IQCK: variants seen among roughly 807,000 people sequenced by gnomAD.
IQCK encodes IQ domain-containing protein K.
IQCK carries 29 observed loss-of-function variants against 28.1 expected under a neutral mutation model. The observed-to-expected ratio is 1.03, with a 90% CI of 0.77 to 1.41. The LOEUF is 1.41. Among genes scored for constraint, IQCK ranks in the 40% most tolerant of loss-of-function variants. The pLI is 0.00. For missense variants in IQCK, 359 were observed against 314.7 expected, an observed-to-expected ratio of 1.14 and a Z score of -1.07; for synonymous variants, 113 against 115.1, an observed-to-expected ratio of 0.98 and a Z score of 0.12.
At chr16:19,854,840 C>T (rs376482547) in intron 9 of IQCK, among the ~76,000 whole-genome samples, 3 of 152,072 alleles carry the variant, frequency 2.0e-5, no homozygotes, top group African/African-American at 4.8e-5. Flanking sequence ...TATGAAGAGT[C>T]AATGTCATCG....
chr16:19,828,856 AAATATATATATATAT>A (rs2056187414), downstream of IQCK, among the ~76,000 whole-genome samples: 2 of 142,710 alleles, frequency 1.4e-5, no homozygotes, highest in African/African-American at 5.3e-5. Context: ...GTCTCAAAAA[AAATATATATATATAT>A]AAATATATAT....
In IQCK at chr16:19,833,092, T is replaced by A. The variant is rs1168665944; in HGVS notation, c.802+5955T>A. On this transcript the variant is annotated intron_variant, in intron 9 of 9. Coordinates refer to the IQCK transcript ENST00000320394. ...CTATCACCCTTAGTTACGATTTGTGTGTGTGTATGTGTGTGGTGAGGACAC... is the reference window on the plus strand; with the variant it reads ...CTATCACCCTTAGTTACGATTTGTGAGTGTGTATGTGTGTGGTGAGGACAC... 2.0e-5 allele frequency among the ~76,000 whole-genome samples: 3 copies of A among 152,310 alleles called. No individual in the cohort carries two copies. In the South Asian group the frequency reaches 6.2e-4, roughly 32 times the overall value.
At chr16:19,719,606 T>A (rs1977414893) in intron 1 of IQCK, among the ~76,000 whole-genome samples, 1 of 148,020 alleles carries the variant, frequency 6.8e-6, no homozygotes. Flanking sequence ...AAAAAAAGTG[T>A]GGTTAGTTAG....
chr16:19,853,144 ACT>A (rs1399745083), intron 9 of IQCK, among the ~76,000 whole-genome samples: 3 of 151,998 alleles, frequency 2.0e-5, no homozygotes, highest in Non-Finnish European at 4.4e-5. Flanking sequence ...ATTTGTATTC[ACT>A]GTCAGACTCA....
chr16:19,718,955 A>G (rs1977372401), intron 1 of IQCK, among the ~76,000 whole-genome samples: 1 of 152,208 alleles, frequency 6.6e-6, no homozygotes, highest in Admixed American at 6.5e-5. Context: ...CCACACGTTC[A>G]GTAACCATGG....
intron 6 of IQCK, among the ~76,000 whole-genome samples, chr16:19,768,834 T>G (rs1189232965): frequency 6.6e-6 from 1 of 152,224 alleles, no homozygotes; most frequent in Non-Finnish European, 1.5e-5. Flanking sequence ...TCTATTACTG[T>G]GTAACAAATT....
At chr16:19,729,956 TTAA>T (rs1273973496) in intron 1 of IQCK, among the ~76,000 whole-genome samples, 3 of 151,924 alleles carry the variant, frequency 2.0e-5, no homozygotes, top group East Asian at 3.9e-4. Context: ...TTTTATTTTA[TTAA>T]TAATTTTTTT....
Position 19,750,596 on chromosome 16 carries a change from G to A in IQCK, c.475-13252G>A, listed in dbSNP as rs990496480. 2.5e-4 allele frequency among the ~76,000 whole-genome samples: 38 copies of A among 150,712 alleles called. 1 individual carries two copies. Among genetic ancestry groups the A allele is most frequent in the African/African-American group, 8.5e-4 (35 of 40,936 alleles). On this transcript the variant is annotated intron_variant, in intron 4 of 7. Transcript: ENST00000564186. ...CCTATCTCAGCCTCCCCAGTAGCTG[G>A]GGCTATAGGTGTGTGCCACCATGCC...
chr16:19,821,241 A>G (rs921120327), intron 7 of IQCK, among the ~76,000 whole-genome samples: 2 of 152,164 alleles, frequency 1.3e-5, no homozygotes, highest in Non-Finnish European at 2.9e-5. Flanking sequence ...ATCAAAAATA[A>G]CACGTGTTGA....
intron 1 of IQCK, among the ~76,000 whole-genome samples, chr16:19,727,152 G>T (rs1977682277): frequency 6.8e-6 from 1 of 148,114 alleles, no homozygotes; most frequent in African/African-American, 2.6e-5. Context: ...AAGAAAGAAA[G>T]AAAAGAAAAG....
At chr16:19,763,464 A>C (rs117861004) in intron 4 of IQCK, among the ~76,000 whole-genome samples, 2,110 of 151,984 alleles carry the variant, frequency 0.014, 35 homozygotes, top group Non-Finnish European at 0.022. Flanking sequence ...TTTTTTTGAG[A>C]CACAGTCTCA....
At chr16:19,731,158 C>T (rs1977823631) in intron 2 of IQCK, among the ~76,000 whole-genome samples, 1 of 152,178 alleles carries the variant, frequency 6.6e-6, no homozygotes, top group Admixed American at 6.6e-5. Context: ...GGGACAGTTG[C>T]AGACAGACCA....
At position 19,801,568 on chromosome 16, in the gene IQCK, G is replaced by A. The variant is rs556841153; in HGVS notation, c.690+12646G>A. ...GATCCTCCCTTCTTGTCCTCCCAAT[G>A]TGCTGGGATTCCAGACATGAGCCAC... On this transcript the variant is annotated intron_variant, in intron 7 of 7. Coordinates refer to ENST00000564186, the Ensembl canonical transcript of IQCK. Among the ~76,000 whole-genome samples the A allele has an allele frequency of 5.7e-4, 85 of 148,122 alleles. No homozygotes were observed. In the South Asian group the frequency reaches 0.017, roughly 30 times the overall value.
chr16:19,773,172 T>C (rs1486635898), intron 6 of IQCK, among the ~76,000 whole-genome samples: 1 of 151,808 alleles, frequency 6.6e-6, no homozygotes, highest in African/African-American at 2.4e-5. Context: ...TGACAGACAA[T>C]GGAGGACTGA....
chr16:19,742,397 G>A (rs971313879), intron 4 of IQCK, among the ~76,000 whole-genome samples: 5 of 151,968 alleles, frequency 3.3e-5, no homozygotes, highest in Admixed American at 1.3e-4. Context: ...GGTTATTTTC[G>A]AAGGCTTAAA....
rs987516948 is a variant in IQCK at position 19,790,579 on chromosome 16, G to A, written c.690+1657G>A. Among the ~76,000 whole-genome samples the A allele has an allele frequency of 6.1e-5, 7 of 115,300 alleles. 2 individuals carry two copies. Among genetic ancestry groups the A allele is most frequent in the African/African-American group, 1.7e-4 (2 of 11,950 alleles). The allele number at this position is 115,300 out of a possible 152,430, so 75.6% of individuals were successfully genotyped here. A position where few individuals can be genotyped will look rare whatever the true frequency, so the allele number is the denominator to read the frequency against. Reference sequence around the variant, plus strand: ...ACTCTGAAAAACACACCAGCAAAAAGCTATCAGTTAAGAAGTTGGATTAAT... The same window carrying A: ...ACTCTGAAAAACACACCAGCAAAAAACTATCAGTTAAGAAGTTGGATTAAT... On this transcript the variant is annotated intron_variant, in intron 7 of 7. Transcript: ENST00000564186.
In IQCK at chr16:19,783,485, G is replaced by A. The variant is rs561123498; in HGVS notation, c.606-5353G>A. 7.1e-4 allele frequency among the ~76,000 whole-genome samples: 108 copies of A among 152,236 alleles called. 1 individual carries two copies. Among genetic ancestry groups the A allele is most frequent in the Non-Finnish European group, 1.2e-3 (79 of 68,020 alleles). On this transcript the variant is annotated intron_variant, in intron 6 of 7. Coordinates refer to ENST00000564186, the Ensembl canonical transcript of IQCK. The stretch of plus-strand genomic sequence containing the variant: ...ATTTAAGCACTTTAAGGCCTCAGCT[G>A]TCTCCTTCTGTGATTGACGTGTTCA...
intron 4 of IQCK, among the ~76,000 whole-genome samples, chr16:19,762,195 C>T (rs1180343747): frequency 7.2e-5 from 11 of 152,026 alleles, no homozygotes; most frequent in Non-Finnish European, 1.5e-5. Flanking sequence ...GAGTTGATTG[C>T]CATTTGGAAG....
rs1004264848 is a variant in IQCK at position 19,786,608 on chromosome 16, G to A, written c.606-2230G>A. Among the ~76,000 whole-genome samples the A allele has an allele frequency of 2.3e-4, 32 of 137,566 alleles. 3 individuals are homozygous for A. Among genetic ancestry groups the A allele is most frequent in the African/African-American group, 1.1e-3 (31 of 29,448 alleles). The allele number at this position is 137,566 out of a possible 152,430, so 90.2% of individuals were successfully genotyped here. On this transcript the variant is annotated intron_variant, in intron 6 of 7. Coordinates refer to ENST00000564186, the Ensembl canonical transcript of IQCK. The stretch of plus-strand genomic sequence containing the variant: ...CACTACTCAGGAGGCTGAGACAGGA[G>A]GATCGCTTGAACCTGGGAGGCAGAG...
Sources: allele counts gnomAD v4.1 joint callset (sites outside exome capture counted in the v4.1 genomes callset), GRCh38; gene constraint gnomAD v4.1.1; transcripts MANE v1.5; gene names NCBI Gene and HGNC (gene_info 2026-07-23, HGNC 2026-07-21).